Variants in NSD3 observed in about 807,000 individuals in gnomAD.
NSD3 encodes nuclear receptor binding SET domain protein 3.
NSD3 carries 24 observed loss-of-function variants against 160.8 expected under a neutral mutation model. That is an observed-to-expected ratio of 0.15 (90% CI 0.11 to 0.21). The LOEUF (loss-of-function observed/expected upper bound fraction) is 0.21. NSD3 is among the 10% of genes least tolerant of loss of function. The probability of loss-of-function intolerance (pLI) is 1.00; values close to 1 mark genes in which losing one functional copy is unlikely to be tolerated. For synonymous variants in NSD3, 520 were observed against 600.0 expected, an observed-to-expected ratio of 0.87 and a Z score of 1.95; for missense variants, 1,157 against 1,735.9, an observed-to-expected ratio of 0.67 and a Z score of 5.93.
chr8:38,282,260 C>T (rs929188306), intron 19 of NSD3, among the ~76,000 whole-genome samples: 22 of 152,332 alleles, frequency 1.4e-4, no homozygotes, highest in Middle Eastern at 3.4e-3. Flanking sequence ...GCTGGTGCCT[C>T]ACCACAGAGA....
chr8:38,380,895 C>G (rs1018037501), intron 1 of NSD3: 7 of 152,160 alleles, frequency 4.6e-5, no homozygotes, highest in African/African-American at 1.7e-4. Context: ...AATCTTCACT[C>G]CCTCCCCAAA....
chr8:38,297,706 A>ACATC (rs1480832131), intron 15 of NSD3, among the ~76,000 whole-genome samples: 1 of 152,200 alleles, frequency 6.6e-6, no homozygotes, highest in Non-Finnish European at 1.5e-5. Context: ...TTCTGGGACT[A>ACATC]CATCTCAGTA....
chr8:38,367,675 GCACTC>G (rs1426525513), intron 1 of NSD3, among the ~76,000 whole-genome samples: 1 of 152,072 alleles, frequency 6.6e-6, no homozygotes, highest in Non-Finnish European at 1.5e-5. Context: ...TTGTGCCACT[GCACTC>G]CAGCCTGGGT....
intron 1 of NSD3, among the ~76,000 whole-genome samples, chr8:38,353,819 T>C (rs1810758052): frequency 6.6e-6 from 1 of 152,166 alleles, no homozygotes; most frequent in Non-Finnish European, 1.5e-5. Context: ...GGTAACCACA[T>C]AGAACACTTC....
chr8:38,358,149 C>A (rs1290268628), intron 1 of NSD3, among the ~76,000 whole-genome samples: 1 of 152,112 alleles, frequency 6.6e-6, no homozygotes, highest in Non-Finnish European at 1.5e-5. Context: ...TCTCAAAATA[C>A]AATTGTCATA....
rs1450050648 is a variant in NSD3 at position 38,329,671 on chromosome 8, G to T, written c.1288C>A (p.Pro430Thr). The change falls in exon 6 of 24, where the codon CCA (proline) becomes ACA (threonine). Residue 430 changes from proline (P) to threonine (T), a missense_variant. This residue lies in a region of NSD3 where 168 missense variants were observed against 208.1 expected (regional missense o/e 0.81). Transcript: ENST00000317025. The surrounding 1 kb of genome is among the most constrained non-coding windows in gnomAD (Gnocchi z 4.8). ...RRPRSVLNTQ[P>T]EQTNAGEVAS... ...ACCTCCCCTGCATTGGTCTGTTCTG[G>T]CTGAGTATTCAGCACAGATCTTGGT... is the stretch of plus-strand genomic sequence containing the variant. 1 of 1,614,092 alleles carries T rather than the reference G, an allele frequency of 6.2e-7. No individual in the cohort carries two copies. Among genetic ancestry groups the T allele is most frequent in the African/African-American group, 1.3e-5 (1 of 74,916 alleles).
chr8:38,345,637 G>A (rs1208456711), intron 2 of NSD3, among the ~76,000 whole-genome samples: 3 of 152,068 alleles, frequency 2.0e-5, no homozygotes, highest in Non-Finnish European at 2.9e-5. Context: ...TGGGCCAGGC[G>A]CAGTGGCTCA....
intron 5 of NSD3, among the ~76,000 whole-genome samples, chr8:38,331,072 A>G (rs1462972147): frequency 6.6e-6 from 1 of 152,264 alleles, no homozygotes; most frequent in Non-Finnish European, 1.5e-5. Context: ...TTGTTAAACA[A>G]GAATGAAAAG....
intron 3 of NSD3, among the ~76,000 whole-genome samples, chr8:38,338,208 G>A (rs976768138): frequency 1.9e-4 from 29 of 151,458 alleles, no homozygotes; most frequent in Non-Finnish European, 4.0e-4. Context: ...GCTGAGGCAG[G>A]ACAATCGCTT....
chr8:38,373,776 G>A (rs1811315877), intron 1 of NSD3, among the ~76,000 whole-genome samples: 1 of 151,812 alleles, frequency 6.6e-6, no homozygotes, highest in Non-Finnish European at 1.5e-5. Context: ...AACAAAGTGA[G>A]ACTCCATCTC....
chr8:38,355,794 C>T (rs1039119985), intron 1 of NSD3, among the ~76,000 whole-genome samples: 4 of 152,202 alleles, frequency 2.6e-5, no homozygotes, highest in African/African-American at 9.7e-5. Context: ...AGTGTCAATA[C>T]TATTCTAAAC....
At position 38,347,597 on chromosome 8, in the gene NSD3, C is replaced by T. The variant is rs771910262; in HGVS notation, c.575G>A (p.Ser192Asn). The change falls in exon 2 of 24, where the codon AGC becomes AAC. Residue 192 changes from serine to asparagine, a missense_variant. Coordinates refer to ENST00000317025, the MANE Select transcript of NSD3 (RefSeq NM_023034.2). ...ASEHTKSKHE[S>N]RKEKRKKSNK... ...GCTTTTTTTCCTCTTTTCTTTTCTG[C>T]TTTCATGCTTTGATTTCGTGTGCTC... 2 of 1,613,876 alleles carry T rather than the reference C, an allele frequency of 1.2e-6. No homozygotes were observed. The highest frequency in any genetic ancestry group is 1.7e-6 in the Non-Finnish European group (2 of 1,180,024).
At chr8:38,286,091 T>A (rs1376728759) in intron 19 of NSD3, among the ~76,000 whole-genome samples, 2 of 152,192 alleles carry the variant, frequency 1.3e-5, no homozygotes, top group Non-Finnish European at 2.9e-5. Flanking sequence ...GAGCAGGACC[T>A]GTGATTAGCT....
chr8:38,288,851 G>T lies in NSD3; in HGVS notation c.3232-95C>A. On this transcript the variant is annotated intron_variant, in intron 18 of 23. Coordinates refer to ENST00000317025, the MANE Select transcript of NSD3 (RefSeq NM_023034.2). This position sits in a 1 kb window ranked among gnomAD's most constrained non-coding sequence, Gnocchi z 4.5. ...TAAAACATCCACGCTACTGCCTCGT[G>T]GTGCTACTCCGAGAAAGGTTGTCTT... is the stretch of plus-strand genomic sequence containing the variant. 1 of 1,462,776 alleles carries T rather than the reference G, an allele frequency of 6.8e-7. No individual in the cohort carries two copies. Among genetic ancestry groups the T allele is most frequent in the Non-Finnish European group, 9.2e-7 (1 of 1,081,892 alleles). 90.6% of individuals were successfully genotyped at this position (1,462,776 alleles called of 1,614,324 possible).
chr8:38,346,221 A>G (rs1810521977), intron 2 of NSD3, among the ~76,000 whole-genome samples: 1 of 148,798 alleles, frequency 6.7e-6, no homozygotes, highest in Non-Finnish European at 1.5e-5. Flanking sequence ...TTATGTATAT[A>G]TGCATATGTA....
Position 38,316,305 on chromosome 8 carries a change from G to A in NSD3, c.1856-263C>T. On this transcript the variant is annotated intron_variant, in intron 9 of 23. Coordinates refer to ENST00000317025, the MANE Select transcript of NSD3 (RefSeq NM_023034.2). The surrounding 1 kb of genome is among the most constrained non-coding windows in gnomAD (Gnocchi z 4.5). ...GCTATTTTCAGTCAACAGAGCCCACGTTCCAACCTAAAAATCAATTCTATG... is the reference window on the plus strand; with the variant it reads ...GCTATTTTCAGTCAACAGAGCCCACATTCCAACCTAAAAATCAATTCTATG... 2 of 1,004,720 alleles carry A rather than the reference G, an allele frequency of 2.0e-6. No homozygotes were observed. The highest frequency in any genetic ancestry group is 4.3e-5 in the Admixed American group (1 of 23,198). The allele number at this position is 1,004,720 out of a possible 1,614,324, so 62.2% of individuals were successfully genotyped here.
At chr8:38,295,143 CAAAAA>C (rs746596031) in intron 16 of NSD3, among the ~76,000 whole-genome samples, 1 of 35,326 alleles carries the variant, frequency 2.8e-5, no homozygotes. Flanking sequence ...CACTCCGTCT[CAAAAA>C]AAAAAAAAAA....
intron 1 of NSD3, among the ~76,000 whole-genome samples, chr8:38,368,107 G>A (rs564824287): frequency 6.6e-6 from 1 of 152,266 alleles, no homozygotes; most frequent in South Asian, 2.1e-4. Flanking sequence ...AGCTTCCCAA[G>A]TAGCTGGGAT....
At chr8:38,361,948 T>C (rs1158824318) in intron 1 of NSD3, among the ~76,000 whole-genome samples, 8 of 151,914 alleles carry the variant, frequency 5.3e-5, no homozygotes, top group Non-Finnish European at 1.0e-4. Context: ...AAAGACCTAT[T>C]ATAAACCAGT....
Sources: allele counts gnomAD v4.1 joint callset (sites outside exome capture counted in the v4.1 genomes callset), GRCh38; gene constraint gnomAD v4.1.1; regional missense constraint gnomAD v4.1.1; non-coding constraint Gnocchi (gnomAD v3.1); transcripts MANE v1.5; gene names NCBI Gene and HGNC (gene_info 2026-07-23, HGNC 2026-07-21).